The following TMEM201 variants were observed in gnomAD, a reference collection of about 807,000 sequenced individuals.
TMEM201 encodes transmembrane protein 201, also known as RP13-15M17.2.
TMEM201 carries 26 observed loss-of-function variants against 63.4 expected under a neutral mutation model. The ratio of observed to expected loss-of-function variants is 0.41; its 90% CI spans 0.30 to 0.57. The LOEUF (loss-of-function observed/expected upper bound fraction) is 0.57, where lower values mean the gene tolerates loss of function less well. TMEM201 is among the 20% of genes least tolerant of loss of function. The pLI is 0.29. For missense variants in TMEM201, 794 were observed against 917.7 expected (o/e 0.87, Z 1.74); for synonymous variants, 417 against 421.6 (o/e 0.99, Z 0.14).
At position 9,593,531 on chromosome 1, in the gene TMEM201, G is replaced by C. The variant is rs1432623638; in HGVS notation, c.114-2359G>C. 2.0e-5 allele frequency among the ~76,000 whole-genome samples: 3 copies of C among 152,218 alleles called. No homozygotes were observed. In the South Asian group the frequency reaches 6.2e-4, roughly 31 times the overall value. ...TTAGAGCTGCTGGCCCCAGGGACAA[G>C]GGCTAATCCCTTGCCTCCCCCCTCT... On this transcript the variant is annotated intron_variant, in intron 1 of 10. Coordinates refer to ENST00000340381, the MANE Select transcript of TMEM201 (RefSeq NM_001130924.3).
At chr1:9,596,747 T>G in intron 2 of TMEM201, 112 bp from the exon 3 acceptor site, 1 of 1,042,002 alleles carries the variant, frequency 9.6e-7, no homozygotes, top group Non-Finnish European at 1.4e-6. Flanking sequence ...AGAATGGAGA[T>G]GTTTGAGATC....
chr1:9,612,870 GA>G (rs1644343503), intron 10 of TMEM201, 115 bp from the exon 11 acceptor site: 1 of 858,808 alleles, frequency 1.2e-6, no homozygotes, highest in South Asian at 1.6e-5. Context: ...CAGTCTCAGA[GA>G]GTACCCTGGG....
In TMEM201 at chr1:9,603,567, CCT is replaced by C. The variant is rs1313413033; in HGVS notation, c.1160+1301_1160+1302del. 3 of 985,408 alleles carry C rather than the reference CCT, an allele frequency of 3.0e-6. No individual in the cohort carries two copies. The highest frequency in any genetic ancestry group is 3.5e-5 in the African/African-American group (2 of 57,232). The allele number at this position is 985,408 out of a possible 1,614,324, so 61.0% of individuals were successfully genotyped here. ...CAGATGTGGCCAGGGTGTGCCAGCT[CCT>C]CTCTCCTGTGCGTTGGAACCCCGGG... On this transcript the variant is annotated intron_variant, in intron 6 of 10. Coordinates refer to ENST00000340381, the MANE Select transcript of TMEM201 (RefSeq NM_001130924.3). This position sits in a 1 kb window ranked among gnomAD's most constrained non-coding sequence, Gnocchi z 4.5.
intron 3 of TMEM201, 126 bp downstream of exon 3, chr1:9,597,179 T>C: frequency 8.4e-7 from 1 of 1,184,548 alleles, no homozygotes; most frequent in Non-Finnish European, 1.1e-6. Flanking sequence ...ACAGCGGCTT[T>C]TCTGTTCTGA....
rs201469838 is a variant in TMEM201 at position 9,610,947 on chromosome 1, G to GGA, written c.1765+143_1765+144insAG. 3,498 of 1,510,506 alleles carry GGA rather than the reference G, an allele frequency of 2.3e-3. 77 individuals are homozygous for GGA. In the African/African-American group the frequency reaches 0.042, roughly 18 times the overall value. 93.6% of individuals were successfully genotyped at this position (1,510,506 alleles called of 1,614,324 possible). On this transcript the variant is annotated intron_variant, in intron 9 of 10. Transcript: ENST00000340381. The surrounding 1 kb of genome is among the most constrained non-coding windows in gnomAD (Gnocchi z 4.9). ...CCTGGAGCTCTAGGCACCCCATTCC[G>GGA]GCTCTGGTGACTTGAACCCTCTGGG...
chr1:9,591,703 G>A (rs1643922070), intron 1 of TMEM201, among the ~76,000 whole-genome samples: 1 of 152,250 alleles, frequency 6.6e-6, no homozygotes, highest in Admixed American at 6.5e-5. Flanking sequence ...GCCTCCCAGA[G>A]GATATGCAGC....
chr1:9,611,165 C>A, intron 9 of TMEM201: 3 of 723,538 alleles, frequency 4.1e-6, no homozygotes, highest in Non-Finnish European at 4.1e-6. Flanking sequence ...TTAAAACCTA[C>A]AACTTTCAAC....
chr1:9,598,334 C>T (rs1644064394), intron 3 of TMEM201, 115 bp from the exon 4 acceptor site: 1 of 1,287,486 alleles, frequency 7.8e-7, no homozygotes, highest in East Asian at 2.4e-5. Flanking sequence ...GTTGACTTGC[C>T]CCCGGTCATC....
In TMEM201 at chr1:9,610,875, G is replaced by T; in HGVS notation, c.1765+70G>T. On this transcript the variant is annotated intron_variant, in intron 9 of 10. Transcript: ENST00000340381. This position sits in a 1 kb window ranked among gnomAD's most constrained non-coding sequence, Gnocchi z 4.9. ...CTGCCAAGAGGCCTGGCTGTGCGGC[G>T]GTGGGGGGGCTCATCCTTGCTCTGA... The T allele has an allele frequency of 6.7e-7, 1 of 1,491,730 alleles. No individual in the cohort carries two copies. Among genetic ancestry groups the T allele is most frequent in the Non-Finnish European group, 9.0e-7 (1 of 1,116,816 alleles). 92.4% of individuals were successfully genotyped at this position (1,491,730 alleles called of 1,614,324 possible). A position where few individuals can be genotyped will look rare whatever the true frequency, so the allele number is the denominator to read the frequency against.
intron 5 of TMEM201, 25 bp from the exon 6 acceptor site, chr1:9,602,044 G>C: frequency 6.2e-7 from 1 of 1,604,966 alleles, no homozygotes; most frequent in South Asian, 1.1e-5. Flanking sequence ...CCTCCCCTGG[G>C]GTGACCCCGC....
In TMEM201 at chr1:9,603,773, T is replaced by C; in HGVS notation, c.1160+1501T>C. 2 of 985,318 alleles carry C rather than the reference T, an allele frequency of 2.0e-6. No homozygotes were observed. Among genetic ancestry groups the C allele is most frequent in the Non-Finnish European group, 2.4e-6 (2 of 829,916 alleles). 61.0% of individuals were successfully genotyped at this position (985,318 alleles called of 1,614,324 possible). On this transcript the variant is annotated intron_variant, in intron 6 of 10. Coordinates refer to ENST00000340381, the MANE Select transcript of TMEM201 (RefSeq NM_001130924.3). The surrounding 1 kb of genome is among the most constrained non-coding windows in gnomAD (Gnocchi z 4.5). ...CTCACATCCCACCCAGCTTCACAAG[T>C]GAGGAACCCAGGTGCATCGGGAGAC...
In TMEM201 at chr1:9,604,225, G is replaced by A. The variant is rs1644202089; in HGVS notation, c.1160+1953G>A. ...TTGGGTAGAAGCAGGACATCTGTGT[G>A]TATGTGCGTATTTAAATTAGATTAT... On this transcript the variant is annotated intron_variant, in intron 6 of 10. Coordinates refer to ENST00000340381, the MANE Select transcript of TMEM201 (RefSeq NM_001130924.3). The surrounding 1 kb of genome is among the most constrained non-coding windows in gnomAD (Gnocchi z 4.1). 1 of 985,434 alleles carries A rather than the reference G, an allele frequency of 1.0e-6. No homozygotes were observed. Among genetic ancestry groups the A allele is most frequent in the Non-Finnish European group, 1.2e-6 (1 of 829,932 alleles). 61.0% of individuals were successfully genotyped at this position (985,434 alleles called of 1,614,324 possible). A position where few individuals can be genotyped will look rare whatever the true frequency, so the allele number is the denominator to read the frequency against.
At chr1:9,589,164 C>G (rs1205660846) in intron 1 of TMEM201, 121 bp downstream of exon 1, 3 of 243,476 alleles carry the variant, frequency 1.2e-5, no homozygotes, top group African/African-American at 4.7e-5. Flanking sequence ...GCGCGGAGAC[C>G]CCCGGCGCGC....
At position 9,605,560 on chromosome 1, in the gene TMEM201, A is replaced by G. The variant is rs548975210; in HGVS notation, c.1161-1997A>G. Among the ~76,000 whole-genome samples the G allele has an allele frequency of 2.0e-5, 3 of 152,126 alleles. No homozygotes were observed. In the South Asian group the frequency reaches 6.5e-4, roughly 33 times the overall value. Reference sequence around the variant, plus strand: ...GAGGCTCGCTGGGGCGCCTGTACAGAGCCCAGCCCCTCATGCCCAGCCCTG... The same window carrying G: ...GAGGCTCGCTGGGGCGCCTGTACAGGGCCCAGCCCCTCATGCCCAGCCCTG... On this transcript the variant is annotated intron_variant, in intron 6 of 10. Coordinates refer to ENST00000340381, the MANE Select transcript of TMEM201 (RefSeq NM_001130924.3). This position sits in a 1 kb window ranked among gnomAD's most constrained non-coding sequence, Gnocchi z 5.7.
At chr1:9,597,988 T>G (rs975912521) in intron 3 of TMEM201, among the ~76,000 whole-genome samples, 2 of 152,138 alleles carry the variant, frequency 1.3e-5, no homozygotes, top group Admixed American at 1.3e-4. Flanking sequence ...GAAAGAAACC[T>G]TCACCTGCCA....
At chr1:9,612,720 C>T (rs1262910170) in intron 10 of TMEM201, among the ~76,000 whole-genome samples, 1 of 152,154 alleles carries the variant, frequency 6.6e-6, no homozygotes, top group Admixed American at 6.5e-5. Context: ...TCACCCAGGC[C>T]CCAGCTCATG....
At position 9,603,931 on chromosome 1, in the gene TMEM201, G is replaced by A. The variant is rs1428217831; in HGVS notation, c.1160+1659G>A. 1 of 985,362 alleles carries A rather than the reference G, an allele frequency of 1.0e-6. No homozygotes were observed. The highest frequency in any genetic ancestry group is 1.7e-5 in the African/African-American group (1 of 57,242). The allele number at this position is 985,362 out of a possible 1,614,324, so 61.0% of individuals were successfully genotyped here. On this transcript the variant is annotated intron_variant, in intron 6 of 10. Coordinates refer to ENST00000340381, the MANE Select transcript of TMEM201 (RefSeq NM_001130924.3). The surrounding 1 kb of genome is among the most constrained non-coding windows in gnomAD (Gnocchi z 4.5). Reference sequence around the variant, plus strand: ...AAACCCCTCTGAAAAGATGTGGTCGGGGCCACGCTTCCCACTGGTTCTGCA... The same window carrying A: ...AAACCCCTCTGAAAAGATGTGGTCGAGGCCACGCTTCCCACTGGTTCTGCA...
In TMEM201 at chr1:9,603,549, G is replaced by A; in HGVS notation, c.1160+1277G>A. On this transcript the variant is annotated intron_variant, in intron 6 of 10. Transcript: ENST00000340381. The surrounding 1 kb of genome is among the most constrained non-coding windows in gnomAD (Gnocchi z 4.5). ...GAGCACGAGTTCACCTTCCAGATGT[G>A]GCCAGGGTGTGCCAGCTCCTCTCTC... 1.0e-6 allele frequency: 1 copy of A among 985,540 alleles called. No homozygotes were observed. The highest frequency in any genetic ancestry group is 4.7e-5 in the South Asian group (1 of 21,288). The allele number at this position is 985,540 out of a possible 1,614,324, so 61.0% of individuals were successfully genotyped here.
At chr1:9,592,120 GT>G (rs1489359428) in intron 1 of TMEM201, among the ~76,000 whole-genome samples, 1 of 152,264 alleles carries the variant, frequency 6.6e-6, no homozygotes, top group African/African-American at 2.4e-5. Context: ...ATTCAAGTAT[GT>G]TTTGCTTGGA....
Sources: allele counts gnomAD v4.1 joint callset (sites outside exome capture counted in the v4.1 genomes callset), GRCh38; gene constraint gnomAD v4.1.1; non-coding constraint Gnocchi (gnomAD v3.1); transcripts MANE v1.5; gene names NCBI Gene and HGNC (gene_info 2026-07-23, HGNC 2026-07-21).